The following PHLPP1 variants were observed in gnomAD, a reference collection of about 807,000 sequenced individuals.
The protein encoded by PHLPP1 is PH domain and leucine rich repeat protein phosphatase 1, also known as PH domain leucine-rich repeat-containing protein phosphatase 1.
In PHLPP1, 42 loss-of-function variants were observed where a neutral mutation model predicts 117.2. That is an observed-to-expected ratio of 0.36 (90% confidence interval 0.28 to 0.46). The LOEUF (loss-of-function observed/expected upper bound fraction) is 0.46. PHLPP1 is among the 20% of genes least tolerant of loss of function. The probability of loss-of-function intolerance (pLI) is 1.00; values close to 1 mark genes in which losing one functional copy is unlikely to be tolerated. For synonymous variants in PHLPP1, 1,042 were observed against 970.7 expected (o/e 1.07, Z -1.37); for missense variants, 2,084 against 2,241.9 (o/e 0.93, Z 1.42).
At chr18:62,750,853 G>T (rs1296527301) in intron 1 of PHLPP1, among the ~76,000 whole-genome samples, 1 of 152,024 alleles carries the variant, frequency 6.6e-6, no homozygotes, top group Non-Finnish European at 1.5e-5. Context: ...TGGGTGAAAC[G>T]CCTGGATGGA....
intron 14 of PHLPP1, among the ~76,000 whole-genome samples, chr18:62,968,624 C>G (rs1910969641): frequency 7.3e-6 from 1 of 137,180 alleles, no homozygotes; most frequent in Non-Finnish European, 1.5e-5. Flanking sequence ...TGCAACCTTT[C>G]CCTTCTGGGT....
intron 1 of PHLPP1, among the ~76,000 whole-genome samples, chr18:62,726,414 T>C (rs111386574): frequency 1.1e-3 from 169 of 152,076 alleles, no homozygotes; most frequent in African/African-American, 3.9e-3. Context: ...CTAAGTCACT[T>C]ATATTTTCTT....
intron 3 of PHLPP1, among the ~76,000 whole-genome samples, chr18:62,859,378 G>A (rs962187421): frequency 6.6e-6 from 1 of 152,224 alleles, no homozygotes; most frequent in Non-Finnish European, 1.5e-5. Context: ...TTAGCCCTGA[G>A]ATCCTGGCTG....
At chr18:62,883,421 G>T (rs1916213623) in intron 4 of PHLPP1, among the ~76,000 whole-genome samples, 1 of 152,176 alleles carries the variant, frequency 6.6e-6, no homozygotes, top group Non-Finnish European at 1.5e-5. Flanking sequence ...GTATCTCAAA[G>T]AAGATTTGCA....
chr18:62,876,044 T>C (rs1218710070), intron 4 of PHLPP1, among the ~76,000 whole-genome samples: 1 of 152,164 alleles, frequency 6.6e-6, no homozygotes, highest in African/African-American at 2.4e-5. Context: ...GTAGCAACTT[T>C]TAGAAGGAAG....
chr18:62,969,279 A>C (rs1190990636), intron 14 of PHLPP1, among the ~76,000 whole-genome samples: 2 of 152,200 alleles, frequency 1.3e-5, no homozygotes, highest in African/African-American at 4.8e-5. Flanking sequence ...TAGTTTCTTT[A>C]AATGGAAGCT....
At chr18:62,938,295 T>G (rs542487266) in intron 10 of PHLPP1, among the ~76,000 whole-genome samples, 1 of 152,266 alleles carries the variant, frequency 6.6e-6, no homozygotes, top group Admixed American at 6.5e-5. Context: ...GAATTCAGCT[T>G]TTTTGCAAGG....
intron 1 of PHLPP1, among the ~76,000 whole-genome samples, chr18:62,743,126 G>A (rs1011679758): frequency 5.9e-5 from 9 of 151,852 alleles, no homozygotes; most frequent in African/African-American, 1.9e-4. Flanking sequence ...TACTTACAAA[G>A]TCAATTATTT....
At chr18:62,975,648 C>T in intron 16 of PHLPP1, 23 bp downstream of exon 16, 1 of 1,515,990 alleles carries the variant, frequency 6.6e-7, no homozygotes, top group Non-Finnish European at 9.2e-7. Context: ...GGGTGTTGCC[C>T]AGGATGGTGG....
chr18:62,979,315 C>T lies in PHLPP1; in HGVS notation c.5038C>T (p.His1680Tyr). 1 of 1,553,622 alleles carries T rather than the reference C, an allele frequency of 6.4e-7. No individual in the cohort carries two copies. The highest frequency in any genetic ancestry group is 1.2e-5 in the South Asian group (1 of 84,244). The change falls in exon 17 of 17, where the codon CAT (histidine) becomes TAT (tyrosine). Residue 1680 changes from histidine to tyrosine, a missense_variant. By Grantham distance (83) the His-to-Tyr change is moderately conservative. Around this residue, in one of 2 missense-constraint regions of PHLPP1, gnomAD observed 1,365 missense variants for 1,605.9 expected, o/e 0.85. Coordinates refer to ENST00000262719, the MANE Select transcript of PHLPP1 (RefSeq NM_194449.4). ...LEEEVKEIMK[H>Y]HQEQQQQQQP... is the part of the protein sequence containing the mutation. ...AGAGGAGGTCAAAGAAATCATGAAGCATCACCAGGAGCAACAGCAGCAGCA... is the reference window on the plus strand; with the variant it reads ...AGAGGAGGTCAAAGAAATCATGAAGTATCACCAGGAGCAACAGCAGCAGCA...
intron 8 of PHLPP1, among the ~76,000 whole-genome samples, chr18:62,914,633 G>A (rs1013189150): frequency 6.6e-6 from 1 of 152,074 alleles, no homozygotes; most frequent in Non-Finnish European, 1.5e-5. Context: ...ATGGAGTCTC[G>A]CTTTGTTGCC....
intron 4 of PHLPP1, among the ~76,000 whole-genome samples, chr18:62,879,280 G>A (rs1468205214): frequency 1.3e-5 from 2 of 152,182 alleles, no homozygotes; most frequent in African/African-American, 4.8e-5. Context: ...CTGCTCTTCT[G>A]CCATGGGATG....
At chr18:62,749,746 C>T (rs1005323477) in intron 1 of PHLPP1, among the ~76,000 whole-genome samples, 4 of 152,106 alleles carry the variant, frequency 2.6e-5, no homozygotes, top group Admixed American at 6.5e-5. Context: ...GGGTTGGGCG[C>T]GGTGGCTCAT....
chr18:62,876,222 T>TA lies in PHLPP1; in HGVS notation c.2066+15630dup, dbSNP rs568347726. On this transcript the variant is annotated intron_variant, in intron 4 of 16. Coordinates refer to ENST00000262719, the MANE Select transcript of PHLPP1 (RefSeq NM_194449.4). Reference sequence around the variant, plus strand: ...AATGGACCGTATGAAACTGGACTTCTAAAAAAAAATCTATGGTTTATTTTA... The same window carrying TA: ...AATGGACCGTATGAAACTGGACTTCTAAAAAAAAAATCTATGGTTTATTTTA... 5.5e-4 allele frequency among the ~76,000 whole-genome samples: 84 copies of TA among 151,658 alleles called. 1 individual carries two copies. In the South Asian group the frequency reaches 0.015, roughly 27 times the overall value.
At chr18:62,905,196 T>A in intron 7 of PHLPP1, 28 bp from the exon 8 acceptor site, 1 of 1,429,102 alleles carries the variant, frequency 7.0e-7, no homozygotes, top group Non-Finnish European at 9.3e-7. Flanking sequence ...TAGTAATGTC[T>A]TTGTGGGGTT....
intron 1 of PHLPP1, among the ~76,000 whole-genome samples, chr18:62,819,997 T>C (rs1290469837): frequency 2.0e-5 from 3 of 152,030 alleles, no homozygotes; most frequent in Non-Finnish European, 4.4e-5. Flanking sequence ...AGTAAAAAGA[T>C]GAAAAAATAT....
intron 4 of PHLPP1, among the ~76,000 whole-genome samples, chr18:62,885,104 AGT>A (rs1231373579): frequency 6.6e-6 from 1 of 152,240 alleles, no homozygotes; most frequent in Admixed American, 6.5e-5. Context: ...AGATTGAATA[AGT>A]GTTAAGAAAA....
At chr18:62,849,797 C>CAAAAAAAA (rs1159265423) in intron 3 of PHLPP1, among the ~76,000 whole-genome samples, 3 of 7,400 alleles carry the variant, frequency 4.1e-4, no homozygotes, top group African/African-American at 5.4e-4. Context: ...CCTGTCTCTA[C>CAAAAAAAA]AAAAAAAAAA....
chr18:62,745,119 CTTAT>C (rs1488729607), intron 1 of PHLPP1, among the ~76,000 whole-genome samples: 1 of 152,126 alleles, frequency 6.6e-6, no homozygotes, highest in Non-Finnish European at 1.5e-5. Flanking sequence ...GTTTAGTAAT[CTTAT>C]TTGTTATACT....
Sources: gnomAD v4.1 joint callset for allele counts (sites outside exome capture counted in the v4.1 genomes callset) on GRCh38, gnomAD v4.1.1 for gene constraint, gnomAD v4.1.1 regional missense constraint, MANE v1.5 for transcripts, NCBI Gene and HGNC (gene_info 2026-07-23, HGNC 2026-07-21) for gene names.